The following GPR78 variants were observed in gnomAD, a reference collection of about 807,000 sequenced individuals.
GPR78 encodes the protein G protein-coupled receptor 78.
GPR78 carries 29 observed loss-of-function variants against 17.9 expected under a neutral mutation model. The observed-to-expected ratio is 1.62, with a 90% confidence interval of 1.20 to 2.21. The LOEUF is 2.21. Ranked by LOEUF, GPR78 falls within the 30% of genes most tolerant of loss-of-function variation. The pLI, the probability that GPR78 is intolerant of heterozygous loss-of-function variation, is 0.00. For missense variants in GPR78, 649 were observed against 530.5 expected (o/e 1.22, Z -2.19); for synonymous variants, 349 against 256.9 (o/e 1.36, Z -3.43).
At chr4:8,584,382 A>G (rs1291419217) in intron 2 of GPR78, among the ~76,000 whole-genome samples, 3 of 152,210 alleles carry the variant, frequency 2.0e-5, no homozygotes, top group Non-Finnish European at 2.9e-5. Flanking sequence ...TGTTTCCACA[A>G]TGTCGTTACC....
chr4:8,580,856 T>C lies in GPR78; in HGVS notation c.-127T>C. On this transcript the variant is annotated 5_prime_UTR_variant, in exon 1 of 3. Transcript: ENST00000382487. ...TTCCTCGCGCTGCTCTGGACCTTGC[T>C]AGCCGGCTCTGCACCTCCCAGAAGC... The C allele has an allele frequency of 2.2e-6, 2 of 925,762 alleles. No individual in the cohort carries two copies. Among genetic ancestry groups the C allele is most frequent in the East Asian group, 5.3e-5 (2 of 37,434 alleles). 57.3% of individuals were successfully genotyped at this position (925,762 alleles called of 1,614,324 possible).
rs985802204 is a variant in GPR78, at chr4:8,588,780, C to A, written c.*1417C>A. Among the ~76,000 whole-genome samples, 1 of 152,192 alleles carries A rather than the reference C, an allele frequency of 6.6e-6. No individual in the cohort carries two copies. The highest frequency in any genetic ancestry group is 2.4e-5 in the African/African-American group (1 of 41,456). On this transcript the variant is annotated 3_prime_UTR_variant, in exon 3 of 3. Transcript: ENST00000382487. ...TGAATTCTTCAAAGACACACGCGGT[C>A]GTCACTTGCTCTTGGCATTAACGGT...
In GPR78 at chr4:8,588,365, G is replaced by A. The variant is rs550061940; in HGVS notation, c.*1002G>A. ...TAGTAATCACGGGGTGCCATTCCCCGGTGGGAGCACCCACCATCAATGTCA... is the reference window on the plus strand; with the variant it reads ...TAGTAATCACGGGGTGCCATTCCCCAGTGGGAGCACCCACCATCAATGTCA... On this transcript the variant is annotated 3_prime_UTR_variant, in exon 3 of 3. Transcript: ENST00000382487. Among the ~76,000 whole-genome samples, 18 of 152,290 alleles carry A rather than the reference G, an allele frequency of 1.2e-4. No individual in the cohort carries two copies. Among genetic ancestry groups the A allele is most frequent in the South Asian group, 1.0e-3 (5 of 4,824 alleles).
Position 8,587,040 on chromosome 4 carries a change from C to A in GPR78, c.783-14C>A. 1 of 1,607,042 alleles carries A rather than the reference C, an allele frequency of 6.2e-7. No homozygotes were observed. The highest frequency in any genetic ancestry group is 8.5e-7 in the Non-Finnish European group (1 of 1,175,720). Reference sequence around the variant, plus strand: ...GTCACTGTGGCTGAGTTAGCTGCTCCGCTTCCCCAACAGGCTGGCGGAGCT... The same window carrying A: ...GTCACTGTGGCTGAGTTAGCTGCTCAGCTTCCCCAACAGGCTGGCGGAGCT... On this transcript the variant is annotated splice_polypyrimidine_tract_variant and intron_variant, in intron 2 of 2. Transcript: ENST00000382487.
chr4:8,587,494 G>T lies in GPR78; in HGVS notation c.*131G>T. 1.3e-6 allele frequency: 1 copy of T among 784,538 alleles called. No individual in the cohort carries two copies. Among genetic ancestry groups the T allele is most frequent in the African/African-American group, 1.8e-5 (1 of 56,422 alleles). 48.6% of individuals were successfully genotyped at this position (784,538 alleles called of 1,614,324 possible). ...ACTTTGAGCTAAGGCTGAAGTACAGGAGGAGGAGGAGGAGAGGGCCGGATG... is the reference window on the plus strand; with the variant it reads ...ACTTTGAGCTAAGGCTGAAGTACAGTAGGAGGAGGAGGAGAGGGCCGGATG... On this transcript the variant is annotated 3_prime_UTR_variant, in exon 3 of 3. Coordinates refer to ENST00000382487, the MANE Select transcript of GPR78 (RefSeq NM_080819.5).
At chr4:8,582,489 C>G in intron 1 of GPR78, 42 bp from the exon 2 acceptor site, 1 of 1,387,398 alleles carries the variant, frequency 7.2e-7, no homozygotes, top group Non-Finnish European at 1.0e-6. Context: ...GGTTCTGTCC[C>G]CACCCTGCCA....
chr4:8,582,583 A>C lies in GPR78; in HGVS notation c.721A>C (p.Arg241=). ...QQKRRRHRAT[R]KIGIAIATFL... is the part of the protein sequence containing the mutation. The stretch of plus-strand genomic sequence containing the variant: ...GAAGCGGCGCCGCCACCGCGCCACC[A>C]GGAAGATTGGCATTGCTATTGCGAC... Residue 241 remains arginine (R), a synonymous_variant, in exon 2 of 3, where the codon AGG becomes CGG. Coordinates refer to ENST00000382487, the MANE Select transcript of GPR78 (RefSeq NM_080819.5). The C allele has an allele frequency of 1.9e-6, 3 of 1,613,296 alleles. No individual in the cohort carries two copies. The highest frequency in any genetic ancestry group is 2.5e-6 in the Non-Finnish European group (3 of 1,179,944).
At chr4:8,585,922 G>T (rs957346304) in intron 2 of GPR78, among the ~76,000 whole-genome samples, 2 of 152,212 alleles carry the variant, frequency 1.3e-5, no homozygotes, top group African/African-American at 4.8e-5. Context: ...AGCCAAACTT[G>T]TAAATCACAG....
intron 1 of GPR78, among the ~76,000 whole-genome samples, chr4:8,582,311 G>A (rs1414028507): frequency 2.0e-5 from 3 of 152,150 alleles, no homozygotes; most frequent in African/African-American, 7.2e-5. Flanking sequence ...GAAGGGAGGA[G>A]GAGCTGGCCC....
chr4:8,586,454 T>G (rs1713509066), intron 2 of GPR78, among the ~76,000 whole-genome samples: 3 of 152,278 alleles, frequency 2.0e-5, no homozygotes, highest in African/African-American at 7.2e-5. Flanking sequence ...GTGGTGCCCG[T>G]GGACATCCTG....
intron 2 of GPR78, among the ~76,000 whole-genome samples, chr4:8,584,166 C>G (rs1041447980): frequency 3.9e-5 from 6 of 152,076 alleles, no homozygotes; most frequent in African/African-American, 9.7e-5. Context: ...TTCAAGAGCT[C>G]CAGCATTTAG....
rs1713576825 is a variant in GPR78 at position 8,587,801 on chromosome 4, ATT to A, written c.*439_*440del. On this transcript the variant is annotated 3_prime_UTR_variant, in exon 3 of 3. Coordinates refer to ENST00000382487, the MANE Select transcript of GPR78 (RefSeq NM_080819.5). The stretch of plus-strand genomic sequence containing the variant: ...GGACACCTGTTTCTCCAACCTGGTT[ATT>A]AGCATTGTTCCGATTTGTTCTCGGC... 40 of 200,066 alleles carry A rather than the reference ATT, an allele frequency of 2.0e-4. 1 individual carries two copies. The highest frequency in any genetic ancestry group is 2.0e-3 in the Middle Eastern group (1 of 488). 12.4% of individuals were successfully genotyped at this position (200,066 alleles called of 1,614,324 possible). A position where few individuals can be genotyped will look rare whatever the true frequency, so the allele number is the denominator to read the frequency against.
rs909787526 is a variant in GPR78 at position 8,587,460 on chromosome 4, A to G, written c.*97A>G. On this transcript the variant is annotated 3_prime_UTR_variant, in exon 3 of 3. Transcript: ENST00000382487. ...ATGCCACTGGGGACCCCCAGACACC[A>G]GTGGCTTGACTTTGAGCTAAGGCTG... 8.8e-6 allele frequency: 11 copies of G among 1,243,322 alleles called. No homozygotes were observed. The highest frequency in any genetic ancestry group is 2.3e-6 in the Non-Finnish European group (2 of 887,342). 77.0% of individuals were successfully genotyped at this position (1,243,322 alleles called of 1,614,324 possible). A position where few individuals can be genotyped will look rare whatever the true frequency, so the allele number is the denominator to read the frequency against.
At position 8,588,130 on chromosome 4, in the gene GPR78, A is replaced by G. The variant is rs1383319896; in HGVS notation, c.*767A>G. 2.6e-5 allele frequency among the ~76,000 whole-genome samples: 4 copies of G among 152,220 alleles called. No homozygotes were observed. Among genetic ancestry groups the G allele is most frequent in the Non-Finnish European group, 4.4e-5 (3 of 68,030 alleles). On this transcript the variant is annotated 3_prime_UTR_variant, in exon 3 of 3. Coordinates refer to ENST00000382487, the MANE Select transcript of GPR78 (RefSeq NM_080819.5). ...TTTCTGGTGAAGATATCATCAGAGCATGTGACCTCTGTTTCCTCCCCCTGA... is the reference window on the plus strand; with the variant it reads ...TTTCTGGTGAAGATATCATCAGAGCGTGTGACCTCTGTTTCCTCCCCCTGA...
rs753393553 is a variant in GPR78, at chr4:8,581,054, A to C, written c.72A>C (p.Ala24=). 6.2e-7 allele frequency: 1 copy of C among 1,605,834 alleles called. No individual in the cohort carries two copies. The highest frequency in any genetic ancestry group is 1.3e-5 in the African/African-American group (1 of 74,858). The change falls in exon 1 of 3, where the codon GCA becomes GCC. Residue 24 remains alanine (A), a synonymous_variant. Transcript: ENST00000382487. ...MVLAVALLSN[A]LVLLCCAYSA... is the part of the protein sequence containing the mutation. The stretch of plus-strand genomic sequence containing the variant: ...TGGCCGTGGCGCTGCTATCCAACGC[A>C]CTGGTGCTGCTTTGTTGCGCCTACA...
chr4:8,590,003 T>A lies in GPR78; in HGVS notation c.*2640T>A, dbSNP rs563660033. ...TGCTGGGTCTCAAGAATGCTGTGAA[T>A]CAATAAACATTTTATTCAGAGGGTG... On this transcript the variant is annotated 3_prime_UTR_variant, in exon 3 of 3. Coordinates refer to ENST00000382487, the MANE Select transcript of GPR78 (RefSeq NM_080819.5). Among the ~76,000 whole-genome samples the A allele has an allele frequency of 6.6e-6, 1 of 150,948 alleles. No individual in the cohort carries two copies. Among genetic ancestry groups the A allele is most frequent in the Non-Finnish European group, 1.5e-5 (1 of 67,830 alleles).
At position 8,582,663 on chromosome 4, in the gene GPR78, G is replaced by A. The variant is rs756418159; in HGVS notation, c.782+19G>A. The stretch of plus-strand genomic sequence containing the variant: ...TGACCAGGTGGGTCCTGGCAGTCCG[G>A]CTCCTGTTGTGGGAACAGCTGGGTG... On this transcript the variant is annotated intron_variant, in intron 2 of 2. Transcript: ENST00000382487. The A allele has an allele frequency of 1.3e-6, 2 of 1,526,086 alleles. No homozygotes were observed. The highest frequency in any genetic ancestry group is 2.3e-5 in the East Asian group (1 of 44,442). The allele number at this position is 1,526,086 out of a possible 1,614,324, so 94.5% of individuals were successfully genotyped here.
At chr4:8,585,184 G>A (rs1228200928) in intron 2 of GPR78, among the ~76,000 whole-genome samples, 1 of 152,184 alleles carries the variant, frequency 6.6e-6, no homozygotes, top group African/African-American at 2.4e-5. Context: ...TACTGGAGAC[G>A]GGGGAGGGCA....
At position 8,581,076 on chromosome 4, in the gene GPR78, TAC is replaced by T; in HGVS notation, c.96_97del (p.Tyr32Ter). On this transcript the variant is annotated frameshift_variant, in exon 1 of 3. Transcript: ENST00000382487. LOFTEE classifies it high-confidence loss of function. ...SNALVLLCCA[Y>X]SAELRTRASG... is the part of the protein sequence containing the mutation. ...CGCACTGGTGCTGCTTTGTTGCGCC[TAC>T]AGCGCTGAGCTCCGCACTCGAGCCT... is the stretch of plus-strand genomic sequence containing the variant. 6.2e-7 allele frequency: 1 copy of T among 1,606,450 alleles called. No individual in the cohort carries two copies.
Sources: allele counts gnomAD v4.1 joint callset (sites outside exome capture counted in the v4.1 genomes callset), GRCh38; gene constraint gnomAD v4.1.1; transcripts MANE v1.5; gene names NCBI Gene and HGNC (gene_info 2026-07-23, HGNC 2026-07-21).